The following HERC3 variants were observed in gnomAD, a reference collection of about 807,000 sequenced individuals.
HERC3 encodes the protein HECT and RLD domain containing E3 ubiquitin protein ligase 3, also known as probable E3 ubiquitin-protein ligase HERC3.
Under a neutral mutation model 129.9 loss-of-function variants are expected in HERC3, and 58 were observed. The ratio of observed to expected loss-of-function variants is 0.45; its 90% CI spans 0.36 to 0.56. The LOEUF is 0.56. Ranked by LOEUF, HERC3 falls within the 20% of genes least tolerant of loss-of-function variation. HERC3 has a pLI of 0.00. For synonymous variants in HERC3, 430 were observed against 451.0 expected (o/e 0.95, Z 0.59); for missense variants, 835 against 1,244.2 (o/e 0.67, Z 4.95).
chr4:88,706,767 G>A lies in HERC3; in HGVS notation c.2960G>A (p.Ser987Asn). ...KKKFLLFLTG[S>N]DRIPIYGMAS... ...TTCTCCCCAGTGTTCCTGACAGGCA[G>A]CGATCGGATTCCCATCTACGGCATG... The change falls in exon 26 of 26, where the codon AGC becomes AAC. Residue 987 changes from serine (S) to asparagine (N), a missense_variant. Ser to Asn is a conservative substitution (Grantham distance 46). Coordinates refer to ENST00000402738, the MANE Select transcript of HERC3 (RefSeq NM_014606.3). 6.2e-7 allele frequency: 1 copy of A among 1,614,132 alleles called. No individual in the cohort carries two copies. The highest frequency in any genetic ancestry group is 1.6e-4 in the Middle Eastern group (1 of 6,062).
At chr4:88,582,641 C>G in the HERC3 span, among the ~76,000 whole-genome samples, 1 of 152,190 alleles carries the variant, frequency 6.6e-6, no homozygotes, top group African/African-American at 2.4e-5. Flanking sequence ...AAAGTCATCA[C>G]CATGCCCAGA....
intron 3 of HERC3, among the ~76,000 whole-genome samples, chr4:88,608,793 G>A (rs1723958110): frequency 6.6e-6 from 1 of 152,114 alleles, no homozygotes; most frequent in Non-Finnish European, 1.5e-5. Flanking sequence ...GAGGGTCATG[G>A]CCCAACAGTC....
chr4:88,692,276 G>A (rs914157890), intron 23 of HERC3, among the ~76,000 whole-genome samples: 1 of 144,632 alleles, frequency 6.9e-6, no homozygotes, highest in Non-Finnish European at 1.5e-5. Context: ...TTAATTTGAT[G>A]CAATCAAATT....
the HERC3 span, among the ~76,000 whole-genome samples, chr4:88,561,168 T>C: frequency 6.6e-6 from 1 of 151,090 alleles, no homozygotes; most frequent in African/African-American, 2.4e-5. Context: ...AGATTATGTG[T>C]GACCGCATTG....
At chr4:88,566,636 TCC>T in the HERC3 span, among the ~76,000 whole-genome samples, 3 of 152,232 alleles carry the variant, frequency 2.0e-5, no homozygotes, top group African/African-American at 7.2e-5. Context: ...TCCTTTTCTC[TCC>T]TACTGAAGAA....
intron 3 of HERC3, among the ~76,000 whole-genome samples, chr4:88,621,510 C>T (rs1489063046): frequency 6.6e-6 from 1 of 152,114 alleles, no homozygotes; most frequent in Non-Finnish European, 1.5e-5. Flanking sequence ...TAAAATCAAG[C>T]CCAAACTCTA....
chr4:88,599,522 T>C (rs1220387335), intron 2 of HERC3, among the ~76,000 whole-genome samples: 1 of 152,202 alleles, frequency 6.6e-6, no homozygotes, highest in Admixed American at 6.5e-5. Context: ...GATGAGGCCA[T>C]ACTTCAGGCT....
chr4:88,689,573 C>T (rs115773760), intron 23 of HERC3, among the ~76,000 whole-genome samples: 2,174 of 149,390 alleles, frequency 0.015, 54 homozygotes, highest in African/African-American at 0.051. Context: ...TTCTTCCATC[C>T]TTGACTACTT....
intron 3 of HERC3, among the ~76,000 whole-genome samples, chr4:88,644,619 T>C (rs1728501538): frequency 6.6e-6 from 1 of 152,148 alleles, no homozygotes; most frequent in African/African-American, 2.4e-5. Flanking sequence ...AGGATGCAAC[T>C]ATAAGGAATA....
At chr4:88,569,326 G>T in the HERC3 span, among the ~76,000 whole-genome samples, 1 of 152,194 alleles carries the variant, frequency 6.6e-6, no homozygotes, top group Non-Finnish European at 1.5e-5. Flanking sequence ...ACACTATGAA[G>T]CTGCTACCTG....
At position 88,669,944 on chromosome 4, in the gene HERC3, G is replaced by T. The variant is rs758280844; in HGVS notation, c.1718G>T (p.Gly573Val). The T allele has an allele frequency of 1.2e-6, 2 of 1,613,784 alleles. No individual in the cohort carries two copies. The highest frequency in any genetic ancestry group is 1.7e-6 in the Non-Finnish European group (2 of 1,179,752). ...YKGAVLYLLR[G>V]RKTFLIPVLF... is the part of the protein sequence containing the mutation. Reference sequence around the variant, plus strand: ...GGTGCAGTCCTTTATCTACTGAGGGGAAGAAAGACATTCTTAATTCCCGTA... The same window carrying T: ...GGTGCAGTCCTTTATCTACTGAGGGTAAGAAAGACATTCTTAATTCCCGTA... The change falls in exon 15 of 26, where the codon GGA (glycine) becomes GTA (valine). Residue 573 changes from glycine (G) to valine (V), a missense_variant. Coordinates refer to ENST00000402738, the MANE Select transcript of HERC3 (RefSeq NM_014606.3).
At chr4:88,670,447 C>T (rs1731493749) in intron 16 of HERC3, among the ~76,000 whole-genome samples, 195 bp downstream of exon 16, 1 of 151,938 alleles carries the variant, frequency 6.6e-6, no homozygotes, top group Non-Finnish European at 1.5e-5. Flanking sequence ...GAGTAGTCAC[C>T]CAGAATGTTA....
At chr4:88,581,771 G>T in the HERC3 span, among the ~76,000 whole-genome samples, 1 of 152,014 alleles carries the variant, frequency 6.6e-6, no homozygotes, top group African/African-American at 2.4e-5. Flanking sequence ...TTCCTTAAAA[G>T]ATTTTATTTC....
chr4:88,585,746 T>C, the HERC3 span, among the ~76,000 whole-genome samples: 45 of 152,290 alleles, frequency 3.0e-4, no homozygotes, highest in Middle Eastern at 0.01. Context: ...TTTTTAGGCA[T>C]TTAGGTGATT....
chr4:88,658,995 A>G (rs1049677453), intron 10 of HERC3, among the ~76,000 whole-genome samples: 3 of 152,182 alleles, frequency 2.0e-5, no homozygotes, highest in Non-Finnish European at 2.9e-5. Flanking sequence ...CTGCATCACT[A>G]TAGTGGATAA....
Position 88,610,453 on chromosome 4 carries a change from CAAAA to C in HERC3, c.226+4419_226+4422del, listed in dbSNP as rs10616395. Among the ~76,000 whole-genome samples the C allele has an allele frequency of 5.6e-3, 688 of 122,500 alleles. 2 individuals carry two copies. The highest frequency in any genetic ancestry group is 0.02 in the African/African-American group (638 of 31,532). The allele number at this position is 122,500 out of a possible 152,430, so 80.4% of individuals were successfully genotyped here. On this transcript the variant is annotated intron_variant, in intron 3 of 25. Transcript: ENST00000402738. Reference sequence around the variant, plus strand: ...TGGGGGACAGAGCGAGACTCCGTCTCAAAAAAAAAAAAAAAAAAGAACGCCTTAC... The same window carrying C: ...TGGGGGACAGAGCGAGACTCCGTCTCAAAAAAAAAAAAAAGAACGCCTTAC...
intron 19 of HERC3, among the ~76,000 whole-genome samples, chr4:88,679,588 C>T (rs1224253153): frequency 6.7e-6 from 1 of 149,864 alleles, no homozygotes; most frequent in Non-Finnish European, 1.5e-5. Context: ...GGTGCGATCT[C>T]GGCTCACTGC....
intron 23 of HERC3, among the ~76,000 whole-genome samples, chr4:88,694,573 A>G (rs957954707): frequency 2.0e-5 from 3 of 152,166 alleles, no homozygotes; most frequent in Non-Finnish European, 2.9e-5. Context: ...GTCTGAGGTA[A>G]AAATCTAAAC....
At chr4:88,697,842 A>G in intron 23 of HERC3, 3 of 1,493,720 alleles carry the variant, frequency 2.0e-6, no homozygotes, top group Non-Finnish European at 2.7e-6. Context: ...GGATGCGGCA[A>G]GTGGCGGTGA....
Sources: allele counts gnomAD v4.1 joint callset (sites outside exome capture counted in the v4.1 genomes callset), GRCh38; gene constraint gnomAD v4.1.1; transcripts MANE v1.5; gene names NCBI Gene and HGNC (gene_info 2026-07-23, HGNC 2026-07-21).